The following POLR1D variants were observed in gnomAD, a reference collection of about 807,000 sequenced individuals.
The protein encoded by POLR1D is DNA-directed RNA polymerases I and III subunit RPAC2.
In POLR1D, 8 loss-of-function variants were observed where a neutral mutation model predicts 10.8. The ratio of observed to expected loss-of-function variants is 0.74; its 90% CI spans 0.43 to 1.33. The LOEUF (loss-of-function observed/expected upper bound fraction) is 1.33. POLR1D is among the 40% of genes most tolerant of loss of function. POLR1D has a pLI of 0.01. For synonymous variants in POLR1D, 54 were observed against 57.2 expected (o/e 0.94, Z 0.25); for missense variants, 152 against 161.7 (o/e 0.94, Z 0.32).
At chr13:27,632,450 G>A (rs1956083477) in intron 1 of POLR1D, among the ~76,000 whole-genome samples, 1 of 152,126 alleles carries the variant, frequency 6.6e-6, no homozygotes, top group Non-Finnish European at 1.5e-5. Flanking sequence ...ATAACAGAAT[G>A]CATGCATTTG....
intron 2 of POLR1D, chr13:27,665,359 C>T (rs1030929945): frequency 3.7e-6 from 1 of 269,884 alleles, no homozygotes; most frequent in Admixed American, 4.8e-5. Flanking sequence ...AGGGCACTTA[C>T]TAGTTTGAAA....
At chr13:27,624,149 G>A (rs1566141344), downstream of POLR1D, among the ~76,000 whole-genome samples, 1 of 152,098 alleles carries the variant, frequency 6.6e-6, no homozygotes, top group Non-Finnish European at 1.5e-5. Flanking sequence ...CTCTTCCTGG[G>A]CCAGTCTTAC....
At chr13:27,659,893 G>T (rs886850227) in intron 2 of POLR1D, among the ~76,000 whole-genome samples, 9 of 140,178 alleles carry the variant, frequency 6.4e-5, no homozygotes, top group Admixed American at 6.4e-4. Flanking sequence ...ATAATGCGTT[G>T]CATATCTCAG....
chr13:27,652,046 T>C (rs1956271399), intron 2 of POLR1D, among the ~76,000 whole-genome samples: 3 of 152,242 alleles, frequency 2.0e-5, no homozygotes, highest in Admixed American at 2.0e-4. Context: ...CAGGGTGCTT[T>C]GGTTTCGGAT....
At position 27,657,174 on chromosome 13, in the gene POLR1D, C is replaced by G. The variant is rs557040373; in HGVS notation, c.102-8512C>G. Among the ~76,000 whole-genome samples the G allele has an allele frequency of 3.9e-5, 6 of 152,304 alleles. No homozygotes were observed. The East Asian group carries it at 1.2e-3, about 29-fold the overall frequency. On this transcript the variant is annotated intron_variant, in intron 2 of 2. Coordinates refer to the POLR1D transcript ENST00000399697. ...CAGTAATATATAACAAATATGTCTT[C>G]TATTTATCACTTTTTAACAGAGTTT...
intron 1 of POLR1D, among the ~76,000 whole-genome samples, chr13:27,631,044 G>A (rs1030531739): frequency 5.3e-5 from 8 of 152,166 alleles, no homozygotes; most frequent in Non-Finnish European, 7.3e-5. Flanking sequence ...TTCCAAAGTC[G>A]TTTGCTCAGA....
At chr13:27,637,074 T>C (rs1463044088) in intron 1 of POLR1D, among the ~76,000 whole-genome samples, 1 of 152,138 alleles carries the variant, frequency 6.6e-6, no homozygotes, top group Non-Finnish European at 1.5e-5. Context: ...TAAAGTGTGG[T>C]TTGCTGGGTT....
intron 2 of POLR1D, among the ~76,000 whole-genome samples, chr13:27,658,969 G>T (rs867212445): frequency 6.6e-6 from 1 of 152,118 alleles, no homozygotes; most frequent in Non-Finnish European, 1.5e-5. Context: ...AATCCTAAAG[G>T]TTGAATTGAG....
At chr13:27,646,125 T>G (rs1031727875) in intron 1 of POLR1D, 2 of 152,222 alleles carry the variant, frequency 1.3e-5, no homozygotes, top group Non-Finnish European at 2.9e-5. Flanking sequence ...GATACATATT[T>G]TGTTCATAAT....
intron 1 of POLR1D, among the ~76,000 whole-genome samples, chr13:27,646,792 C>A (rs979572140): frequency 1.3e-5 from 2 of 152,006 alleles, no homozygotes; most frequent in Non-Finnish European, 2.9e-5. Flanking sequence ...AAATTGTTTT[C>A]TTTGGTGGGT....
intron 2 of POLR1D, among the ~76,000 whole-genome samples, chr13:27,656,386 C>T (rs1050409853): frequency 1.3e-5 from 2 of 152,212 alleles, no homozygotes; most frequent in African/African-American, 4.8e-5. Context: ...ATCAAAACTA[C>T]AAATGGCCAG....
intron 1 of POLR1D, among the ~76,000 whole-genome samples, chr13:27,635,985 G>C (rs1316209904): frequency 6.6e-6 from 1 of 152,080 alleles, no homozygotes; most frequent in Non-Finnish European, 1.5e-5. Context: ...TAAAAGCACT[G>C]AGAGGTGTTT....
chr13:27,664,116 C>A (rs931334944), intron 2 of POLR1D, among the ~76,000 whole-genome samples: 1 of 152,152 alleles, frequency 6.6e-6, no homozygotes, highest in African/African-American at 2.4e-5. Context: ...CCTGTCAGAC[C>A]CTGCAGGAGA....
At chr13:27,621,039 C>G (rs1195286545), upstream of POLR1D, 2 of 153,054 alleles carry the variant, frequency 1.3e-5, no homozygotes, top group Non-Finnish European at 2.9e-5. Context: ...GGAAGCGCAC[C>G]TGAGGGAGCA....
chr13:27,628,830 C>T lies in POLR1D; in HGVS notation c.26+6821C>T, dbSNP rs9554079. ...CTTATTTTAATTGAACTTTTTTATTCTTCTTTTGAGACAGTCGCACTGTTA... is the reference window on the plus strand; with the variant it reads ...CTTATTTTAATTGAACTTTTTTATTTTTCTTTTGAGACAGTCGCACTGTTA... On this transcript the variant is annotated intron_variant, in intron 1 of 2. Transcript: ENST00000399697. Among the ~76,000 whole-genome samples, 83 of 152,108 alleles carry T rather than the reference C, an allele frequency of 5.5e-4. No individual in the cohort carries two copies. In the East Asian group the frequency reaches 0.015, roughly 28 times the overall value.
intron 2 of POLR1D, among the ~76,000 whole-genome samples, chr13:27,653,870 G>A (rs1023240441): frequency 6.6e-6 from 1 of 152,114 alleles, no homozygotes; most frequent in Non-Finnish European, 1.5e-5. Flanking sequence ...TCGATCTATT[G>A]TAATGTGTTA....
chr13:27,635,867 G>A (rs990921726), intron 1 of POLR1D, among the ~76,000 whole-genome samples: 1 of 151,868 alleles, frequency 6.6e-6, no homozygotes, highest in East Asian at 1.9e-4. Flanking sequence ...GCGGAACTGG[G>A]ACTCATTTTC....
chr13:27,665,937 G>C (rs758774974), exon 3 of POLR1D: 5 of 1,614,022 alleles, frequency 3.1e-6, no homozygotes, highest in African/African-American at 1.3e-5. Flanking sequence ...TACGAAAAGC[G>C]GTCCAACCGG....
At chr13:27,627,738 T>TTTTG (rs1555271660), downstream of POLR1D, among the ~76,000 whole-genome samples, 1 of 123,494 alleles carries the variant, frequency 8.1e-6, no homozygotes, top group Non-Finnish European at 1.8e-5. Context: ...TTTTTTTTTT[T>TTTTG]TTTTTTTTTT....
Sources: allele counts gnomAD v4.1 joint callset (sites outside exome capture counted in the v4.1 genomes callset), GRCh38; gene constraint gnomAD v4.1.1; transcripts MANE v1.5; gene names NCBI Gene and HGNC (gene_info 2026-07-23, HGNC 2026-07-21).